Variants in IL1RAPL1 observed in about 807,000 individuals in gnomAD.
IL1RAPL1 encodes the protein interleukin 1 receptor accessory protein like 1.
Under a neutral mutation model 48.4 loss-of-function variants are expected in IL1RAPL1, and 3 were observed. That is an observed-to-expected ratio of 0.06 (90% CI 0.03 to 0.16). The LOEUF is 0.16. Ranked by LOEUF, IL1RAPL1 falls within the 10% of genes least tolerant of loss-of-function variation. IL1RAPL1 has a pLI of 1.00. For synonymous variants in IL1RAPL1, 185 were observed against 187.7 expected (o/e 0.99, Z 0.12); for missense variants, 349 against 530.6 (o/e 0.66, Z 3.36).
intron 5 of IL1RAPL1, among the ~76,000 whole-genome samples, chrX:29,414,647 A>G (rs776701897): frequency 9.0e-5 from 10 of 111,550 alleles, no homozygotes; most frequent in Non-Finnish European, 1.9e-4. Context: ...CCTGAGCCCA[A>G]GAGGTCCAGG....
At chrX:29,912,698 A>G (rs768998147) in intron 6 of IL1RAPL1, among the ~76,000 whole-genome samples, 3 of 112,199 alleles carry the variant, frequency 2.7e-5, no homozygotes, top group Non-Finnish European at 3.8e-5. Flanking sequence ...AGCAAAGAAT[A>G]TAGGCTTAAA....
At chrX:28,884,987 AT>A (rs1390687065) in intron 2 of IL1RAPL1, among the ~76,000 whole-genome samples, 1 of 111,570 alleles carries the variant, frequency 9.0e-6, no homozygotes, top group Non-Finnish European at 1.9e-5. Context: ...ATGGTTAAAA[AT>A]TTTATTTAGC....
chrX:28,754,466 G>T (rs753545067), intron 1 of IL1RAPL1, among the ~76,000 whole-genome samples: 1 of 111,845 alleles, frequency 8.9e-6, no homozygotes, highest in African/African-American at 3.2e-5. Flanking sequence ...ATTTATGCCT[G>T]TCAATGCTTT....
At chrX:28,738,194 G>T (rs1438315494) in intron 1 of IL1RAPL1, among the ~76,000 whole-genome samples, 3 of 109,887 alleles carry the variant, frequency 2.7e-5, no homozygotes, top group African/African-American at 6.6e-5. Flanking sequence ...AAAAATCTTA[G>T]AACATTATTG....
chrX:29,754,277 G>A lies in IL1RAPL1; in HGVS notation c.778+85773G>A, dbSNP rs182167871. 1.9e-4 allele frequency among the ~76,000 whole-genome samples: 21 copies of A among 111,456 alleles called. No individual in the cohort carries two copies. In the East Asian group the frequency reaches 5.6e-3, roughly 30 times the overall value. ...TCTCATTATCTGTCATTCAAAACTGGCTTTTCATAATATATGGCTCCAAAA... is the reference window on the plus strand; with the variant it reads ...TCTCATTATCTGTCATTCAAAACTGACTTTTCATAATATATGGCTCCAAAA... On this transcript the variant is annotated intron_variant, in intron 6 of 10. Transcript: ENST00000378993.
chrX:29,601,460 C>T (rs937516827), intron 5 of IL1RAPL1, among the ~76,000 whole-genome samples: 3 of 111,644 alleles, frequency 2.7e-5, no homozygotes, highest in Non-Finnish European at 5.6e-5. Flanking sequence ...CACAGAGAGG[C>T]TGTATTTTAA....
At chrX:29,201,336 A>C (rs1266189938) in intron 2 of IL1RAPL1, among the ~76,000 whole-genome samples, 1 of 111,873 alleles carries the variant, frequency 8.9e-6, no homozygotes, top group East Asian at 2.8e-4. Context: ...TTAAATTTCT[A>C]AAATAAAATT....
intron 2 of IL1RAPL1, among the ~76,000 whole-genome samples, chrX:28,848,094 C>T (rs1214764948): frequency 6.3e-5 from 7 of 111,081 alleles, no homozygotes; most frequent in African/African-American, 2.3e-4. Context: ...TGTTCTCACT[C>T]ATAAATGGGA....
chrX:29,883,721 A>G (rs1932075966), intron 6 of IL1RAPL1, among the ~76,000 whole-genome samples: 1 of 111,851 alleles, frequency 8.9e-6, no homozygotes, highest in Non-Finnish European at 1.9e-5. Flanking sequence ...TATGAATTCA[A>G]AATTAATTAG....
At chrX:29,532,666 G>A (rs772118498) in intron 5 of IL1RAPL1, among the ~76,000 whole-genome samples, 21 of 111,989 alleles carry the variant, frequency 1.9e-4, no homozygotes, top group Admixed American at 1.9e-4. Flanking sequence ...AATCTGTCCT[G>A]TGCAGCTGGG....
chrX:29,710,535 A>C (rs1478453990), intron 6 of IL1RAPL1, among the ~76,000 whole-genome samples: 1 of 107,314 alleles, frequency 9.3e-6, no homozygotes, highest in Non-Finnish European at 1.9e-5. Context: ...GAAAATTCCC[A>C]CTTGATCATG....
chrX:29,595,681 T>A (rs896213564), intron 5 of IL1RAPL1, among the ~76,000 whole-genome samples: 1 of 112,333 alleles, frequency 8.9e-6, no homozygotes, highest in Non-Finnish European at 1.9e-5. Flanking sequence ...TCTCCCACTC[T>A]GTGGATTTTC....
At chrX:29,364,207 A>G (rs770502018) in intron 3 of IL1RAPL1, among the ~76,000 whole-genome samples, 10 of 112,177 alleles carry the variant, frequency 8.9e-5, no homozygotes, top group African/African-American at 1.3e-4. Flanking sequence ...AACAAAAAGT[A>G]CAGTTGGCCC....
At chrX:28,747,678 A>G (rs781620441) in intron 1 of IL1RAPL1, among the ~76,000 whole-genome samples, 1 of 112,190 alleles carries the variant, frequency 8.9e-6, no homozygotes, top group Admixed American at 9.5e-5. Context: ...ATTGTATTCT[A>G]TATATAATAT....
intron 1 of IL1RAPL1, among the ~76,000 whole-genome samples, chrX:28,779,634 G>GTATATATA (rs1183080798): frequency 2.1e-3 from 81 of 38,263 alleles, no homozygotes; most frequent in Non-Finnish European, 2.6e-3. Flanking sequence ...GTGTGTGTGT[G>GTATATATA]TATATATATA....
intron 3 of IL1RAPL1, among the ~76,000 whole-genome samples, chrX:29,321,677 A>C (rs1186626048): frequency 1.8e-5 from 2 of 111,627 alleles, no homozygotes; most frequent in Non-Finnish European, 3.8e-5. Flanking sequence ...TTTTGGAGAG[A>C]GTGATAAATT....
At chrX:29,533,867 C>G (rs1921129157) in intron 5 of IL1RAPL1, among the ~76,000 whole-genome samples, 1 of 111,695 alleles carries the variant, frequency 9.0e-6, no homozygotes, top group Non-Finnish European at 1.9e-5. Flanking sequence ...GAATGTGTTC[C>G]CACAAAGTTC....
intron 5 of IL1RAPL1, among the ~76,000 whole-genome samples, chrX:29,436,329 A>G (rs1251320471): frequency 9.1e-6 from 1 of 110,089 alleles, no homozygotes; most frequent in Non-Finnish European, 1.9e-5. Context: ...TAGTAACAAA[A>G]TGAGCCTCTT....
At chrX:29,939,950 C>T (rs764742898) in intron 8 of IL1RAPL1, among the ~76,000 whole-genome samples, 34 of 107,197 alleles carry the variant, frequency 3.2e-4, no homozygotes, top group Non-Finnish European at 5.8e-4. Flanking sequence ...GCAACCTCCA[C>T]CTCCTGGGTT....
Sources: gnomAD v4.1 joint callset for allele counts (sites outside exome capture counted in the v4.1 genomes callset) on GRCh38, gnomAD v4.1.1 for gene constraint, MANE v1.5 for transcripts, NCBI Gene and HGNC (gene_info 2026-07-23, HGNC 2026-07-21) for gene names.